Variants in DLG2 observed in about 807,000 individuals in gnomAD.
The protein encoded by DLG2 is disks large homolog 2.
A neutral mutation model predicts 132.5 loss-of-function variants in DLG2; 45 were observed. That is an observed-to-expected ratio of 0.34 (90% CI 0.27 to 0.44). DLG2 has a LOEUF of 0.44. DLG2 is among the 20% of genes least tolerant of loss of function. DLG2 has a pLI of 1.00. For synonymous variants in DLG2, 424 were observed against 419.6 expected (o/e 1.01, Z -0.13); for missense variants, 1,045 against 1,196.9 (o/e 0.87, Z 1.87).
chr11:84,650,863 G>GTATATATATATA (rs1417830252), intron 6 of DLG2, among the ~76,000 whole-genome samples: 268 of 91,968 alleles, frequency 2.9e-3, no homozygotes, highest in African/African-American at 6.1e-3. Context: ...GTGTGTGTGT[G>GTATATATATATA]TGTGTGTGTG....
intron 6 of DLG2, among the ~76,000 whole-genome samples, chr11:85,014,334 AAT>A (rs1381569428): frequency 6.6e-6 from 1 of 152,200 alleles, no homozygotes; most frequent in Non-Finnish European, 1.5e-5. Context: ...TTTGGTGCTC[AAT>A]ATGTTTTAGT....
chr11:85,004,599 G>A (rs902760089), intron 6 of DLG2, among the ~76,000 whole-genome samples: 3 of 152,066 alleles, frequency 2.0e-5, no homozygotes, highest in Non-Finnish European at 2.9e-5. Context: ...TATATTATTT[G>A]TAGATTCTGG....
chr11:83,820,146 T>A (rs1472685878), intron 17 of DLG2, among the ~76,000 whole-genome samples: 2 of 152,196 alleles, frequency 1.3e-5, no homozygotes, highest in African/African-American at 4.8e-5. Context: ...TTTACTGCCA[T>A]CTTGTGGATT....
chr11:84,878,583 C>T (rs1451959250), intron 6 of DLG2, among the ~76,000 whole-genome samples: 1 of 152,026 alleles, frequency 6.6e-6, no homozygotes, highest in Non-Finnish European at 1.5e-5. Context: ...GGAGGGATAG[C>T]ATTAGGAGAA....
At chr11:84,750,174 G>A (rs916582475) in intron 6 of DLG2, among the ~76,000 whole-genome samples, 1 of 151,756 alleles carries the variant, frequency 6.6e-6, no homozygotes. Flanking sequence ...CAATTTTTAT[G>A]TTAAGTTCTA....
intron 3 of DLG2, among the ~76,000 whole-genome samples, chr11:85,366,899 G>A (rs2084600135): frequency 2.0e-5 from 3 of 151,962 alleles, no homozygotes; most frequent in Admixed American, 2.0e-4. Context: ...ATATTTTTGT[G>A]AATTCCTTGT....
intron 6 of DLG2, among the ~76,000 whole-genome samples, chr11:84,609,585 C>T (rs2099591792): frequency 6.6e-6 from 1 of 152,002 alleles, no homozygotes; most frequent in African/African-American, 2.4e-5. Flanking sequence ...TCTCCAACTG[C>T]CGATGATTAA....
At chr11:83,624,395 T>C (rs1352913328) in intron 19 of DLG2, among the ~76,000 whole-genome samples, 1 of 152,242 alleles carries the variant, frequency 6.6e-6, no homozygotes, top group East Asian at 1.9e-4. Context: ...TGACTCCTCC[T>C]TCTTTCTATT....
intron 3 of DLG2, among the ~76,000 whole-genome samples, chr11:85,491,894 G>A (rs895764725): frequency 1.8e-4 from 28 of 151,866 alleles, no homozygotes; most frequent in African/African-American, 4.6e-4. Flanking sequence ...TAAAAAAATC[G>A]TAAAATTCGT....
chr11:84,012,031 A>T (rs977599382), intron 11 of DLG2, among the ~76,000 whole-genome samples: 2 of 152,154 alleles, frequency 1.3e-5, no homozygotes. Context: ...CCCTGATTAA[A>T]ATCCAAAATG....
rs147093090 is a variant in DLG2 at position 83,727,254 on chromosome 11, C to T, written c.1825+59436G>A. Among the ~76,000 whole-genome samples the T allele has an allele frequency of 2.3e-3, 345 of 152,206 alleles. 2 individuals carry two copies. Among genetic ancestry groups the T allele is most frequent in the African/African-American group, 7.0e-3 (289 of 41,514 alleles). On this transcript the variant is annotated intron_variant, in intron 18 of 27. Coordinates refer to ENST00000376104, the MANE Select transcript of DLG2 (RefSeq NM_001142699.3). ...TAGGGACAGATTTTGAGGGTGATGCCGATAAGTAAGTTGTAAGGGACCTCT... is the reference window on the plus strand; with the variant it reads ...TAGGGACAGATTTTGAGGGTGATGCTGATAAGTAAGTTGTAAGGGACCTCT...
At chr11:83,517,163 A>G (rs911921772) in intron 21 of DLG2, among the ~76,000 whole-genome samples, 3 of 152,194 alleles carry the variant, frequency 2.0e-5, no homozygotes, top group East Asian at 1.9e-4. Context: ...AGGTACACCA[A>G]TCAGATGTAG....
At chr11:84,497,141 G>A in intron 7 of DLG2, among the ~76,000 whole-genome samples, 1 of 152,100 alleles carries the variant, frequency 6.6e-6, no homozygotes, top group East Asian at 1.9e-4. Context: ...AAAATGTTTA[G>A]CACAAGGTTT....
At chr11:85,126,128 G>A (rs1264451939) in intron 5 of DLG2, among the ~76,000 whole-genome samples, 1 of 152,190 alleles carries the variant, frequency 6.6e-6, no homozygotes, top group African/African-American at 2.4e-5. Flanking sequence ...TTCAAAGAAC[G>A]GCGGGAAGCC....
intron 7 of DLG2, among the ~76,000 whole-genome samples, chr11:84,446,598 C>G (rs567516045): frequency 6.4e-4 from 98 of 151,996 alleles, no homozygotes; most frequent in Non-Finnish European, 1.2e-3. Context: ...TATACTCTCC[C>G]CACAAAATAG....
At chr11:84,129,351 T>C (rs1283756818) in intron 9 of DLG2, among the ~76,000 whole-genome samples, 1 of 152,092 alleles carries the variant, frequency 6.6e-6, no homozygotes, top group Non-Finnish European at 1.5e-5. Context: ...TGAGAGACCT[T>C]AGCCTGTTAC....
At chr11:84,473,894 G>C (rs538112165) in intron 7 of DLG2, among the ~76,000 whole-genome samples, 1 of 152,122 alleles carries the variant, frequency 6.6e-6, no homozygotes, top group South Asian at 2.1e-4. Context: ...AGGTTAATCA[G>C]AGTATTAATC....
At chr11:84,836,606 G>T (rs573262407) in intron 6 of DLG2, among the ~76,000 whole-genome samples, 42 of 151,784 alleles carry the variant, frequency 2.8e-4, no homozygotes, top group African/African-American at 9.6e-4. Context: ...TTTAACAAGG[G>T]TTATTCAAAA....
intron 14 of DLG2, among the ~76,000 whole-genome samples, chr11:83,958,711 T>C (rs1298127184): frequency 6.6e-6 from 1 of 152,174 alleles, no homozygotes; most frequent in Non-Finnish European, 1.5e-5. Flanking sequence ...TAGGGAAAAC[T>C]TGGCCCAGTA....
Sources: allele counts gnomAD v4.1 joint callset (sites outside exome capture counted in the v4.1 genomes callset), GRCh38; gene constraint gnomAD v4.1.1; transcripts MANE v1.5; gene names NCBI Gene and HGNC (gene_info 2026-07-23, HGNC 2026-07-21).